The following MPP7 variants were observed in gnomAD, a reference collection of about 807,000 sequenced individuals.
MPP7 encodes the protein MAGUK p55 scaffold protein 7, also known as MAGUK p55 subfamily member 7.
In MPP7, 60 loss-of-function variants were observed where a neutral mutation model predicts 76.5. The ratio of observed to expected loss-of-function variants is 0.78; its 90% CI spans 0.64 to 0.97. The LOEUF is 0.97. Among genes scored for constraint, MPP7 ranks in the 50% least tolerant of loss-of-function variants. MPP7 has a pLI of 0.00. For missense variants in MPP7, 641 were observed against 694.0 expected (o/e 0.92, Z 0.86); for synonymous variants, 237 against 244.5 (o/e 0.97, Z 0.29).
chr10:28,109,848 C>CAAAAAAAAA lies in MPP7; in HGVS notation c.952+9794_952+9802dup, dbSNP rs869206744. Among the ~76,000 whole-genome samples, 186 of 19,196 alleles carry CAAAAAAAAA rather than the reference C, an allele frequency of 9.7e-3. 29 individuals are homozygous for CAAAAAAAAA. Among genetic ancestry groups the CAAAAAAAAA allele is most frequent in the African/African-American group, 0.032 (130 of 4,032 alleles). The allele number at this position is 19,196 out of a possible 152,430, so 12.6% of individuals were successfully genotyped here. A position where few individuals can be genotyped will look rare whatever the true frequency, so the allele number is the denominator to read the frequency against. ...ACAGTTAGAAGGCCAGCCGCAGACG[C>CAAAAAAAAA]AAAAAAAAAAAAAAAAAAAAAAAAA... On this transcript the variant is annotated intron_variant, in intron 11 of 16. Coordinates refer to ENST00000683449, the MANE Select transcript of MPP7 (RefSeq NM_001318170.2).
intron 2 of MPP7, among the ~76,000 whole-genome samples, chr10:28,229,746 A>G (rs7098124): frequency 0.17 from 26,334 of 151,922 alleles, 2,581 homozygotes; most frequent in African/African-American, 0.26. Flanking sequence ...AAAATTAGCC[A>G]GGCGTGGTGG....
intron 1 of MPP7, among the ~76,000 whole-genome samples, chr10:28,294,704 A>T (rs1379004626): frequency 1.3e-5 from 2 of 152,214 alleles, no homozygotes; most frequent in Non-Finnish European, 2.9e-5. Flanking sequence ...TATAAGATGC[A>T]GGATCCTATT....
Position 28,148,754 on chromosome 10 carries a change from G to C in MPP7, c.235-1191C>G, listed in dbSNP as rs149764585. ...CTCTGACAAATTATAAGATACTATG[G>C]TTTATCATATTTATATAGCAGTCTC... On this transcript the variant is annotated intron_variant, in intron 4 of 16. Coordinates refer to ENST00000683449, the MANE Select transcript of MPP7 (RefSeq NM_001318170.2). Among the ~76,000 whole-genome samples, 519 of 152,008 alleles carry C rather than the reference G, an allele frequency of 3.4e-3. 1 individual carries two copies. The highest frequency in any genetic ancestry group is 0.011 in the African/African-American group (454 of 41,466).
intron 1 of MPP7, among the ~76,000 whole-genome samples, chr10:28,239,808 A>C (rs1285989287): frequency 1.3e-5 from 2 of 152,212 alleles, no homozygotes; most frequent in Non-Finnish European, 2.9e-5. Flanking sequence ...ATCTTCAACA[A>C]GGTATTTCAT....
chr10:28,214,387 T>TA (rs1414745629), intron 2 of MPP7, among the ~76,000 whole-genome samples: 4 of 152,134 alleles, frequency 2.6e-5, no homozygotes, highest in African/African-American at 9.7e-5. Context: ...AGAAGCATGG[T>TA]AACATGCTTA....
chr10:28,249,915 T>C (rs765575813), intron 1 of MPP7, among the ~76,000 whole-genome samples: 51 of 152,166 alleles, frequency 3.4e-4, no homozygotes, highest in Non-Finnish European at 6.0e-4. Flanking sequence ...TCAACTTTTG[T>C]GCACATTTGA....
At chr10:28,120,044 G>C in intron 10 of MPP7, 150 bp downstream of exon 10, 1 of 818,166 alleles carries the variant, frequency 1.2e-6, no homozygotes, top group Non-Finnish European at 1.9e-6. Flanking sequence ...ATCATACTTA[G>C]TTAGACAAAA....
intron 13 of MPP7, among the ~76,000 whole-genome samples, chr10:28,062,635 T>A (rs1479896387): frequency 6.7e-6 from 1 of 148,244 alleles, no homozygotes; most frequent in African/African-American, 2.5e-5. Context: ...ATTAAGAGAA[T>A]AATGGCAGAC....
At chr10:28,151,548 G>A (rs1835883820) in intron 3 of MPP7, among the ~76,000 whole-genome samples, 1 of 152,162 alleles carries the variant, frequency 6.6e-6, no homozygotes, top group Non-Finnish European at 1.5e-5. Context: ...CTGCTTCCCT[G>A]CTATAATAAA....
intron 11 of MPP7, among the ~76,000 whole-genome samples, chr10:28,101,720 T>C (rs1028554394): frequency 7.2e-5 from 11 of 152,136 alleles, no homozygotes; most frequent in Admixed American, 2.6e-4. Context: ...AAGTTTTCTA[T>C]AATGAATTAA....
chr10:28,175,243 T>C (rs1262059756), intron 3 of MPP7, among the ~76,000 whole-genome samples: 3 of 151,720 alleles, frequency 2.0e-5, no homozygotes, highest in Non-Finnish European at 2.9e-5. Context: ...TGAGCTGAGA[T>C]TGCATCATTG....
At chr10:28,238,887 T>C in intron 1 of MPP7, 152 bp from the exon 2 acceptor site, 1 of 426,872 alleles carries the variant, frequency 2.3e-6, no homozygotes, top group Non-Finnish European at 4.2e-6. Context: ...AAGTACAAAC[T>C]GTGAGAGTTT....
chr10:28,147,588 A>G (rs1444567398), intron 4 of MPP7, 25 bp from the exon 5 acceptor site: 1 of 1,605,936 alleles, frequency 6.2e-7, no homozygotes, highest in Non-Finnish European at 8.5e-7. Flanking sequence ...ACATTGACTT[A>G]AAGAACATTT....
intron 2 of MPP7, among the ~76,000 whole-genome samples, chr10:28,222,441 G>C (rs191039227): frequency 6.6e-6 from 1 of 151,908 alleles, no homozygotes; most frequent in Non-Finnish European, 1.5e-5. Flanking sequence ...CCCTGATTGC[G>C]CCAATGCACT....
chr10:28,122,288 A>G (rs2133621217), intron 8 of MPP7, among the ~76,000 whole-genome samples: 1 of 152,354 alleles, frequency 6.6e-6, no homozygotes, highest in South Asian at 2.1e-4. Flanking sequence ...CTGCTGAGCC[A>G]TATAGGTCTA....
rs770335990 is a variant in MPP7, at chr10:28,202,223, ACATGTG to A, written c.80_85del (p.Pro27_Val29delinsLeu). ...GAAGGTCAGGTCTTCCTGGCTATCC[ACATGTG>A]GCTGCAGCTGGGCTGGCAGAGCAGC... On this transcript the variant is annotated inframe_deletion, in exon 3 of 17. Coordinates refer to ENST00000683449, the MANE Select transcript of MPP7 (RefSeq NM_001318170.2). The A allele has an allele frequency of 1.2e-6, 2 of 1,613,746 alleles. No homozygotes were observed. Among genetic ancestry groups the A allele is most frequent in the East Asian group, 2.2e-5 (1 of 44,878 alleles).
At chr10:28,221,499 T>C (rs1186736853) in intron 2 of MPP7, among the ~76,000 whole-genome samples, 2 of 152,202 alleles carry the variant, frequency 1.3e-5, no homozygotes, top group African/African-American at 4.8e-5. Context: ...TGAGGAATTA[T>C]TCTACCAAGA....
intron 1 of MPP7, among the ~76,000 whole-genome samples, chr10:28,277,976 T>C (rs924705434): frequency 1.3e-5 from 2 of 152,034 alleles, no homozygotes; most frequent in Non-Finnish European, 2.9e-5. Flanking sequence ...CATGAAGAGC[T>C]ATCCACGTGA....
intron 1 of MPP7, among the ~76,000 whole-genome samples, chr10:28,277,491 T>C (rs970451029): frequency 6.6e-6 from 1 of 152,090 alleles, no homozygotes; most frequent in African/African-American, 2.4e-5. Context: ...CTGGGCTGCA[T>C]GCGGCCCATG....
Sources: allele counts gnomAD v4.1 joint callset (sites outside exome capture counted in the v4.1 genomes callset), GRCh38; gene constraint gnomAD v4.1.1; transcripts MANE v1.5; gene names NCBI Gene and HGNC (gene_info 2026-07-23, HGNC 2026-07-21).